Variants in AHR observed in about 807,000 individuals in gnomAD.
AHR encodes aryl hydrocarbon receptor, also known as AH-receptor.
A neutral mutation model predicts 86.8 loss-of-function variants in AHR; 40 were observed. The observed-to-expected ratio is 0.46, with a 90% confidence interval of 0.36 to 0.60. The LOEUF is 0.60. Among genes scored for constraint, AHR ranks in the 20% least tolerant of loss-of-function variants. The pLI, the probability that AHR is intolerant of heterozygous loss-of-function variation, is 0.00. For missense variants in AHR, 1,001 were observed against 1,011.6 expected (o/e 0.99, Z 0.14); for synonymous variants, 398 against 354.9 (o/e 1.12, Z -1.37).
chr7:17,299,460 A>T, intron 1 of AHR, 131 bp downstream of exon 1: 2 of 1,070,876 alleles, frequency 1.9e-6, no homozygotes, highest in Non-Finnish European at 2.6e-6. Flanking sequence ...TGCCCGTGGA[A>T]TCGAGGTTTG....
intron 6 of AHR, among the ~76,000 whole-genome samples, chr7:17,332,724 CTG>C (rs1782313810): frequency 2.0e-5 from 3 of 151,864 alleles, no homozygotes; most frequent in Non-Finnish European, 4.4e-5. Context: ...TTACAGTAAA[CTG>C]TGCTGGGATT....
Position 17,339,646 on chromosome 7 carries a change from G to C in AHR, c.1821G>C (p.Leu607=), listed in dbSNP as rs747196573. Residue 607 remains leucine (L), a synonymous_variant, in exon 10 of 11, where the codon CTG becomes CTC. Transcript: ENST00000242057. ...SDYQQQQSLA[L]NSSCMVQEHL... ...ATCAACAGCAACAGTCCTTGGCTCT[G>C]AACTCAAGCTGTATGGTACAGGAAC... is the stretch of plus-strand genomic sequence containing the variant. 1 of 1,614,040 alleles carries C rather than the reference G, an allele frequency of 6.2e-7. No individual in the cohort carries two copies. Among genetic ancestry groups the C allele is most frequent in the African/African-American group, 1.3e-5 (1 of 75,024 alleles).
chr7:17,343,011 C>T lies in AHR; in HGVS notation c.2494C>T (p.His832Tyr), dbSNP rs1782442787. 1.2e-6 allele frequency: 2 copies of T among 1,613,902 alleles called. No homozygotes were observed. The highest frequency in any genetic ancestry group is 3.3e-5 in the Admixed American group (2 of 60,012). The change falls in exon 11 of 11, where the codon CAT becomes TAT. Residue 832 changes from histidine (H) to tyrosine (Y), a missense_variant. By Grantham distance (83) the His-to-Tyr change is moderately conservative (BLOSUM62 2). Around this residue, in one of 2 missense-constraint regions of AHR, gnomAD observed 607 missense variants for 543.1 expected, o/e 1.12. Coordinates refer to ENST00000242057, the MANE Select transcript of AHR (RefSeq NM_001621.5). ...TACCACACATCTTCAGCCACTTCAT[C>T]ATCCGTCAGAAGCCAGACCTTTTCC... ...QTTTHLQPLH[H>Y]PSEARPFPDL...
intron 8 of AHR, 126 bp from the exon 9 acceptor site, chr7:17,335,519 A>G: frequency 1.3e-6 from 1 of 773,274 alleles, no homozygotes; most frequent in South Asian, 3.1e-5. Context: ...TTTTTGTTTA[A>G]AATTTATTGT....
intron 2 of AHR, among the ~76,000 whole-genome samples, chr7:17,318,905 A>G (rs1199436320): frequency 2.6e-5 from 4 of 152,218 alleles, no homozygotes; most frequent in African/African-American, 9.6e-5. Context: ...AAATATATTT[A>G]CTGTTCATTA....
chr7:17,322,701 A>G (rs1468374341), intron 3 of AHR, 94 bp downstream of exon 3: 1 of 868,216 alleles, frequency 1.2e-6, no homozygotes, highest in African/African-American at 1.7e-5. Flanking sequence ...TTTACTTAGG[A>G]TTTGCTCAAT....
At chr7:17,308,642 C>G (rs763636680) in intron 1 of AHR, among the ~76,000 whole-genome samples, 1 of 151,418 alleles carries the variant, frequency 6.6e-6, no homozygotes, top group Admixed American at 6.6e-5. Context: ...TCACCAATTT[C>G]TATTATATAC....
At position 17,330,071 on chromosome 7, in the gene AHR, T is replaced by C. The variant is rs757210519; in HGVS notation, c.570T>C (p.Ile190=). The change falls in exon 5 of 11, where the codon ATT becomes ATC. Residue 190 remains isoleucine (I), a synonymous_variant. Transcript: ENST00000242057. ...PSQCTESGQG[I]EEATGLPQTV... ...AGTGTACAGAGTCTGGACAAGGAAT[T>C]GAAGGTAAGAATTGATGGTACAAAA... The C allele has an allele frequency of 3.6e-5, 58 of 1,606,830 alleles. No homozygotes were observed. The highest frequency in any genetic ancestry group is 4.9e-5 in the Non-Finnish European group (58 of 1,176,690).
intron 7 of AHR, 25 bp from the exon 8 acceptor site, chr7:17,334,862 T>C (rs1247548437): frequency 2.0e-6 from 3 of 1,510,540 alleles, no homozygotes; most frequent in Non-Finnish European, 2.7e-6. Flanking sequence ...TCCATTCTTA[T>C]TTTACCTTTT....
rs1782475473 is a variant in AHR at position 17,345,665 on chromosome 7, AGTTATACAGT to A, written c.*2602_*2611del. 6.6e-6 allele frequency: 1 copy of A among 152,662 alleles called. No individual in the cohort carries two copies. Among genetic ancestry groups the A allele is most frequent in the African/African-American group, 2.4e-5 (1 of 41,464 alleles). The allele number at this position is 152,662 out of a possible 1,614,324, so 9.5% of individuals were successfully genotyped here. On this transcript the variant is annotated 3_prime_UTR_variant, in exon 11 of 11. Transcript: ENST00000242057. Reference sequence around the variant, plus strand: ...TTTAATCATGAATATGATGACAATCAGTTATACAGTTATAAAATTAAAAGTTTGAAAAGCA... The same window carrying A: ...TTTAATCATGAATATGATGACAATCATATAAAATTAAAAGTTTGAAAAGCA...
At position 17,339,815 on chromosome 7, in the gene AHR, T is replaced by C; in HGVS notation, c.1990T>C (p.Cys664Arg). 6.2e-7 allele frequency: 1 copy of C among 1,614,208 alleles called. No individual in the cohort carries two copies. The highest frequency in any genetic ancestry group is 8.5e-7 in the Non-Finnish European group (1 of 1,180,042). ...CTCTAACCAATTCGTGCCTTTCAAT[T>C]GTCCACAGCAAGACCCACAACAATA... ...WNSNQFVPFNCPQQDPQQYNV... is the reference protein window; with the variant it reads ...WNSNQFVPFNRPQQDPQQYNV... Residue 664 changes from cysteine (C) to arginine (R), a missense_variant, in exon 10 of 11, where the codon TGT becomes CGT. Transcript: ENST00000242057.
intron 8 of AHR, 69 bp downstream of exon 8, chr7:17,335,065 T>G: frequency 8.8e-7 from 1 of 1,134,746 alleles, no homozygotes; most frequent in Non-Finnish European, 1.3e-6. Context: ...TTTCAAATTC[T>G]TACGTAATGT....
intron 1 of AHR, among the ~76,000 whole-genome samples, chr7:17,299,946 G>T (rs1051441670): frequency 6.6e-6 from 1 of 152,218 alleles, no homozygotes; most frequent in African/African-American, 2.4e-5. Context: ...GGTGGGAGTG[G>T]ATGCAACGGA....
intron 4 of AHR, among the ~76,000 whole-genome samples, chr7:17,329,611 G>A (rs1347880842): frequency 6.6e-6 from 1 of 151,876 alleles, no homozygotes; most frequent in Admixed American, 6.6e-5. Context: ...AGGAAAAGCT[G>A]CATGGAAGAG....
At chr7:17,310,381 A>G (rs1033741504) in intron 2 of AHR, among the ~76,000 whole-genome samples, 4 of 152,086 alleles carry the variant, frequency 2.6e-5, no homozygotes, top group Admixed American at 2.6e-4. Context: ...TTACACTCAA[A>G]TTGATTATGT....
At chr7:17,336,970 A>G (rs979306959) in intron 9 of AHR, among the ~76,000 whole-genome samples, 3 of 152,066 alleles carry the variant, frequency 2.0e-5, no homozygotes, top group Non-Finnish European at 2.9e-5. Flanking sequence ...TGCAACTTTT[A>G]AAAAATATAT....
rs570408040 is a variant in AHR, at chr7:17,339,380, G to C, written c.1555G>C (p.Asp519His). 5 of 1,614,070 alleles carry C rather than the reference G, an allele frequency of 3.1e-6. No homozygotes were observed. The highest frequency in any genetic ancestry group is 4.5e-5 in the East Asian group (2 of 44,892). Reference sequence around the variant, plus strand: ...ACATGAGCAAATTGACCAGCCTCAGGATGTGAACTCATTTGCTGGAGGTCA... The same window carrying C: ...ACATGAGCAAATTGACCAGCCTCAGCATGTGAACTCATTTGCTGGAGGTCA... ...LKHEQIDQPQ[D>H]VNSFAGGHPG... The change falls in exon 10 of 11, where the codon GAT becomes CAT. Residue 519 changes from aspartate to histidine, a missense_variant. This residue lies in a region of AHR where 607 missense variants were observed against 543.1 expected (regional missense o/e 1.12). Coordinates refer to ENST00000242057, the MANE Select transcript of AHR (RefSeq NM_001621.5).
At position 17,327,785 on chromosome 7, in the gene AHR, C is replaced by G. The variant is rs1217486043; in HGVS notation, c.387C>G (p.Val129=). Residue 129 remains valine (V), a synonymous_variant, in exon 4 of 11, where the codon GTC becomes GTG. Transcript: ENST00000242057. The part of the protein sequence containing the change: ...LQALNGFVLV[V]TTDALVFYAS... ...CTCTGAATGGCTTTGTATTAGTTGT[C>G]ACTACAGATGCTTTGGTCTTTTATG... The G allele has an allele frequency of 6.3e-7, 1 of 1,575,714 alleles. No homozygotes were observed. The highest frequency in any genetic ancestry group is 1.7e-5 in the Admixed American group (1 of 59,156).
intron 2 of AHR, among the ~76,000 whole-genome samples, chr7:17,313,389 G>C (rs934384522): frequency 1.3e-5 from 2 of 152,148 alleles, no homozygotes; most frequent in Non-Finnish European, 2.9e-5. Flanking sequence ...ATGCAAACAG[G>C]GGGTGTGTAA....
Sources: gnomAD v4.1 joint callset for allele counts (sites outside exome capture counted in the v4.1 genomes callset) on GRCh38, gnomAD v4.1.1 for gene constraint, gnomAD v4.1.1 regional missense constraint, MANE v1.5 for transcripts, NCBI Gene and HGNC (gene_info 2026-07-23, HGNC 2026-07-21) for gene names.